Variants in LBP observed in about 807,000 individuals in gnomAD.
The protein encoded by LBP is lipopolysaccharide-binding protein.
A neutral mutation model predicts 56.6 loss-of-function variants in LBP; 53 were observed. The ratio of observed to expected loss-of-function variants is 0.94; its 90% confidence interval spans 0.75 to 1.18. The LOEUF (loss-of-function observed/expected upper bound fraction) is 1.18, where lower values mean the gene tolerates loss of function less well. Ranked by LOEUF, LBP falls within the 50% of genes most tolerant of loss-of-function variation. LBP has a pLI of 0.00. For synonymous variants in LBP, 227 were observed against 247.5 expected (o/e 0.92, Z 0.78); for missense variants, 601 against 598.3 (o/e 1.00, Z -0.05).
chr20:38,356,447 CACACACA>C (rs747868386), intron 5 of LBP, among the ~76,000 whole-genome samples: 17 of 121,048 alleles, frequency 1.4e-4, no homozygotes, highest in African/African-American at 6.5e-4. Flanking sequence ...CACACACACA[CACACACA>C]CCCTCGTCTG....
chr20:38,347,928 G>A (rs2076806590), intron 1 of LBP, among the ~76,000 whole-genome samples: 1 of 152,184 alleles, frequency 6.6e-6, no homozygotes, highest in African/African-American at 2.4e-5. Context: ...CCTTAGATAG[G>A]GTTGTTGGGA....
intron 7 of LBP, among the ~76,000 whole-genome samples, chr20:38,364,331 G>A (rs192261138): frequency 6.6e-6 from 1 of 152,304 alleles, no homozygotes; most frequent in Non-Finnish European, 1.5e-5. Flanking sequence ...AGGCCAATCA[G>A]AGCGGGTCTT....
At chr20:38,370,894 G>A in intron 11 of LBP, 89 bp downstream of exon 11, 1 of 1,082,042 alleles carries the variant, frequency 9.2e-7, no homozygotes, top group Non-Finnish European at 1.4e-6. Context: ...GGGAGGGGGG[G>A]CCACCATTTG....
At chr20:38,372,320 A>C (rs2076903505) in intron 12 of LBP, among the ~76,000 whole-genome samples, 1 of 152,184 alleles carries the variant, frequency 6.6e-6, no homozygotes, top group East Asian at 1.9e-4. Flanking sequence ...AGTGGAAACA[A>C]ACACAGAGGC....
chr20:38,357,012 T>C (rs1056027159), intron 5 of LBP, among the ~76,000 whole-genome samples: 12 of 152,110 alleles, frequency 7.9e-5, no homozygotes, highest in Admixed American at 2.6e-4. Flanking sequence ...CGTGCCACCA[T>C]GCCCAGTTAA....
At chr20:38,367,429 G>A (rs1441986443) in intron 9 of LBP, among the ~76,000 whole-genome samples, 1 of 152,094 alleles carries the variant, frequency 6.6e-6, no homozygotes, top group Non-Finnish European at 1.5e-5. Flanking sequence ...ACTCCAGCCT[G>A]GGCAACAGAG....
At chr20:38,362,251 G>A (rs529347927) in intron 6 of LBP, among the ~76,000 whole-genome samples, 7 of 148,922 alleles carry the variant, frequency 4.7e-5, no homozygotes, top group South Asian at 2.1e-4. Flanking sequence ...TAGTAGAGAC[G>A]GGGTTTCACC....
chr20:38,376,640 G>A lies in LBP; in HGVS notation c.1417G>A (p.Gly473Ser). 1 of 1,613,986 alleles carries A rather than the reference G, an allele frequency of 6.2e-7. No homozygotes were observed. Among genetic ancestry groups the A allele is most frequent in the Non-Finnish European group, 8.5e-7 (1 of 1,179,912 alleles). Residue 473 changes from glycine to serine, a missense_variant, in exon 15 of 15, where the codon GGT becomes AGT. Coordinates refer to ENST00000217407, the MANE Select transcript of LBP (RefSeq NM_004139.5). ...LQIHKDFLFL[G>S]ANVQYMRV The stretch of plus-strand genomic sequence containing the variant: ...TTTTTCCTAGGACTTCCTGTTCTTG[G>A]GTGCCAATGTCCAATACATGAGAGT...
At chr20:38,365,707 AAAAAAAAAAAAT>A (rs1332575731) in intron 8 of LBP, among the ~76,000 whole-genome samples, 16,607 of 92,718 alleles carry the variant, frequency 0.18, 804 homozygotes, top group Non-Finnish European at 0.22. Context: ...AAAAAAAAAA[AAAAAAAAAAAAT>A]ATATATATAT....
intron 9 of LBP, among the ~76,000 whole-genome samples, chr20:38,368,500 G>A (rs1280961886): frequency 6.6e-6 from 1 of 152,142 alleles, no homozygotes; most frequent in Non-Finnish European, 1.5e-5. Context: ...TTGGGAGGCT[G>A]CAGAAGGAGA....
chr20:38,346,689 C>T lies in LBP; in HGVS notation c.124+49C>T, dbSNP rs745695965. The T allele has an allele frequency of 1.9e-6, 3 of 1,608,458 alleles. No individual in the cohort carries two copies. In the South Asian group the frequency reaches 3.3e-5, roughly 18 times the overall value. On this transcript the variant is annotated intron_variant, in intron 1 of 14. Coordinates refer to ENST00000217407, the MANE Select transcript of LBP (RefSeq NM_004139.5). ...GGACTTGGCAAACCCACGCTCCAGG[C>T]TGCTCTGGGTACAGTGGGGACAGGG...
rs796275863 is a variant in LBP, at chr20:38,348,782, AGTTTAGTTTT to A, written c.125-761_125-752del. The stretch of plus-strand genomic sequence containing the variant: ...AGTTTAGTTTAGTTTAGTTTAGTTT[AGTTTAGTTTT>A]GTTTTGTTTTGTTTTGTTTGAGACA... On this transcript the variant is annotated intron_variant, in intron 1 of 14. Transcript: ENST00000217407. Among the ~76,000 whole-genome samples the A allele has an allele frequency of 5.7e-3, 743 of 131,222 alleles. 6 individuals carry two copies. The highest frequency in any genetic ancestry group is 0.021 in the African/African-American group (702 of 32,696). The allele number at this position is 131,222 out of a possible 152,430, so 86.1% of individuals were successfully genotyped here.
At chr20:38,351,460 T>C (rs2076820231) in intron 3 of LBP, among the ~76,000 whole-genome samples, 1 of 152,130 alleles carries the variant, frequency 6.6e-6, no homozygotes, top group South Asian at 2.1e-4. Context: ...CAAGGGCTGC[T>C]TCCAGGGGCT....
At chr20:38,375,460 AAT>A (rs1277175848) in intron 14 of LBP, among the ~76,000 whole-genome samples, 2 of 151,936 alleles carry the variant, frequency 1.3e-5, no homozygotes, top group Non-Finnish European at 2.9e-5. Context: ...GCGCACCTGT[AAT>A]CCCAGCTACT....
At chr20:38,347,903 G>A (rs2076806482) in intron 1 of LBP, among the ~76,000 whole-genome samples, 1 of 152,196 alleles carries the variant, frequency 6.6e-6, no homozygotes, top group Non-Finnish European at 1.5e-5. Context: ...CCTATTAAAT[G>A]AGATAACAAC....
chr20:38,351,986 T>C (rs1421607795), intron 3 of LBP, among the ~76,000 whole-genome samples: 1 of 150,458 alleles, frequency 6.6e-6, no homozygotes, highest in Non-Finnish European at 1.5e-5. Context: ...TGCACAGAGC[T>C]GAGATCATGC....
chr20:38,349,332 T>C (rs532614339), intron 1 of LBP, among the ~76,000 whole-genome samples: 11 of 152,224 alleles, frequency 7.2e-5, no homozygotes, highest in Admixed American at 3.3e-4. Flanking sequence ...ATCAGTAAAA[T>C]GGGCATGAAC....
chr20:38,364,746 T>A lies in LBP; in HGVS notation c.915T>A (p.Asp305Glu), dbSNP rs775878574. 1.2e-6 allele frequency: 2 copies of A among 1,607,730 alleles called. No homozygotes were observed. The highest frequency in any genetic ancestry group is 3.4e-5 in the Admixed American group (2 of 59,612). Residue 305 changes from aspartate to glutamate, a missense_variant, in exon 8 of 15, where the codon GAT becomes GAA. Transcript: ENST00000217407. ...EEGYLNFSITDDMIPPDSNIR... is the reference protein window; with the variant it reads ...EEGYLNFSITEDMIPPDSNIR... ...GATATCTGAACTTCTCCATCACAGA[T>A]GACATGGTGAGGATGGTGGCAAACA... is the stretch of plus-strand genomic sequence containing the variant.
At chr20:38,370,399 A>T (rs1631643) in intron 10 of LBP, among the ~76,000 whole-genome samples, 100,213 of 151,880 alleles carry the variant, frequency 0.66, 34,114 homozygotes, top group African/African-American at 0.82. Flanking sequence ...TAATTTATTA[A>T]TGTTGTTACT....
Sources: allele counts gnomAD v4.1 joint callset (sites outside exome capture counted in the v4.1 genomes callset), GRCh38; gene constraint gnomAD v4.1.1; transcripts MANE v1.5; gene names NCBI Gene and HGNC (gene_info 2026-07-23, HGNC 2026-07-21).